Variants in STIM2 observed in about 807,000 individuals in gnomAD.
STIM2 encodes stromal interaction molecule 2.
STIM2 carries 31 observed loss-of-function variants against 85.8 expected under a neutral mutation model. The observed-to-expected ratio is 0.36, with a 90% CI of 0.27 to 0.49. The LOEUF is 0.49. Ranked by LOEUF, STIM2 falls within the 20% of genes least tolerant of loss-of-function variation. The pLI, the probability that STIM2 is intolerant of heterozygous loss-of-function variation, is 0.98. For missense variants in STIM2, 841 were observed against 927.6 expected (o/e 0.91, Z 1.21); for synonymous variants, 356 against 331.1 (o/e 1.08, Z -0.82).
At chr4:27,019,795 A>G (rs1728853929) in intron 11 of STIM2, among the ~76,000 whole-genome samples, 1 of 152,130 alleles carries the variant, frequency 6.6e-6, no homozygotes, top group African/African-American at 2.4e-5. Context: ...ATTCAACTCC[A>G]TGTCACTCTG....
chr4:26,921,377 A>G (rs1724791661), intron 2 of STIM2, among the ~76,000 whole-genome samples: 1 of 152,222 alleles, frequency 6.6e-6, no homozygotes, highest in Admixed American at 6.5e-5. Flanking sequence ...ATGGTACTTT[A>G]TTATGGCAGT....
In STIM2 at chr4:27,006,565, G is replaced by A. The variant is rs1728366223; in HGVS notation, c.982-968G>A. The stretch of plus-strand genomic sequence containing the variant: ...CATCCTGTGTCTTTATATATCTTTA[G>A]TTTGAAAGCTCTTGCTAGTTTTTAA... On this transcript the variant is annotated intron_variant, in intron 7 of 11. Transcript: ENST00000467087. 2.6e-5 allele frequency among the ~76,000 whole-genome samples: 4 copies of A among 152,274 alleles called. No homozygotes were observed. The South Asian group carries it at 8.3e-4, about 32-fold the overall frequency.
chr4:27,009,081 C>A, intron 10 of STIM2, 79 bp downstream of exon 10: 2 of 1,243,750 alleles, frequency 1.6e-6, no homozygotes, highest in Non-Finnish European at 2.3e-6. Context: ...GAATCATGTA[C>A]TTCGAAATCT....
chr4:27,022,391 A>G, intron 11 of STIM2, 128 bp from the exon 12 acceptor site: 1 of 737,052 alleles, frequency 1.4e-6, no homozygotes, highest in Admixed American at 2.9e-5. Context: ...TGAAATGTAT[A>G]TAGAATCATA....
At chr4:26,959,243 C>T (rs1037952116) in intron 3 of STIM2, among the ~76,000 whole-genome samples, 8 of 152,158 alleles carry the variant, frequency 5.3e-5, no homozygotes, top group African/African-American at 1.7e-4. Flanking sequence ...CTATTCCATG[C>T]ATCTCTCTCG....
intron 2 of STIM2, among the ~76,000 whole-genome samples, chr4:26,935,628 A>G (rs1725364772): frequency 6.6e-6 from 1 of 152,160 alleles, no homozygotes; most frequent in South Asian, 2.1e-4. Context: ...CAGCTTGGGG[A>G]TGGGACCTAG....
At chr4:26,904,500 G>T (rs182767852) in intron 1 of STIM2, among the ~76,000 whole-genome samples, 18 of 152,238 alleles carry the variant, frequency 1.2e-4, no homozygotes, top group Non-Finnish European at 2.1e-4. Context: ...AAAATGATCA[G>T]CTGTGGCAAA....
intron 1 of STIM2, among the ~76,000 whole-genome samples, chr4:26,871,867 A>G (rs1196734076): frequency 6.6e-6 from 1 of 152,142 alleles, no homozygotes; most frequent in Non-Finnish European, 1.5e-5. Context: ...GTATAGTGTG[A>G]TGAAGAGCAT....
At chr4:26,923,305 A>G (rs1724879263) in intron 2 of STIM2, among the ~76,000 whole-genome samples, 1 of 151,930 alleles carries the variant, frequency 6.6e-6, no homozygotes, top group Non-Finnish European at 1.5e-5. Flanking sequence ...TGGAAACTCT[A>G]AAACGCAGAG....
At chr4:26,890,803 G>A (rs936198849) in intron 1 of STIM2, among the ~76,000 whole-genome samples, 3 of 140,920 alleles carry the variant, frequency 2.1e-5, no homozygotes, top group East Asian at 2.0e-4. Flanking sequence ...CAGCCTGGGC[G>A]ACAGAGCGAG....
chr4:26,997,546 T>C lies in STIM2; in HGVS notation c.510-1686T>C, dbSNP rs181535283. 4.9e-3 allele frequency among the ~76,000 whole-genome samples: 741 copies of C among 152,340 alleles called. 8 individuals carry two copies. The highest frequency in any genetic ancestry group is 0.017 in the African/African-American group (710 of 41,576). On this transcript the variant is annotated intron_variant, in intron 4 of 11. Coordinates refer to ENST00000467087, the MANE Select transcript of STIM2 (RefSeq NM_020860.4). ...AATCATTTTTACCTCTGGACTCATA[T>C]TGAATCTCGCATAAAATTTTGTTAT...
At chr4:26,948,343 C>T (rs896753424) in intron 2 of STIM2, among the ~76,000 whole-genome samples, 25 of 152,178 alleles carry the variant, frequency 1.6e-4, no homozygotes, top group African/African-American at 6.0e-4. Context: ...CTACCTCCAG[C>T]CCCTCCCTGT....
At chr4:27,016,815 G>C (rs184718480) in intron 10 of STIM2, among the ~76,000 whole-genome samples, 204 of 152,308 alleles carry the variant, frequency 1.3e-3, no homozygotes, top group African/African-American at 4.8e-3. Context: ...CAGTAAGAGA[G>C]AGAATGTCCA....
At chr4:26,868,600 T>G (rs562045684) in intron 1 of STIM2, among the ~76,000 whole-genome samples, 4 of 152,186 alleles carry the variant, frequency 2.6e-5, no homozygotes, top group Non-Finnish European at 5.9e-5. Flanking sequence ...TAAAAAGGCT[T>G]TTTAAACCCT....
At chr4:26,900,993 A>G (rs1723898413) in intron 1 of STIM2, among the ~76,000 whole-genome samples, 2 of 152,090 alleles carry the variant, frequency 1.3e-5, no homozygotes, top group Admixed American at 1.3e-4. Flanking sequence ...TCAGTTGCTG[A>G]TCCTTGTCCC....
At chr4:26,891,595 ACACC>A (rs1320268859) in intron 1 of STIM2, among the ~76,000 whole-genome samples, 47 of 129,488 alleles carry the variant, frequency 3.6e-4, no homozygotes, top group Middle Eastern at 3.9e-3. Context: ...ACACACACAC[ACACC>A]CCCTTTTGGT....
At chr4:26,955,658 T>C (rs1726215480) in intron 2 of STIM2, among the ~76,000 whole-genome samples, 1 of 148,346 alleles carries the variant, frequency 6.7e-6, no homozygotes, top group Non-Finnish European at 1.5e-5. Context: ...TAAGGCACTA[T>C]TTAGAGCAGA....
chr4:26,942,762 T>C (rs937254287), intron 2 of STIM2, among the ~76,000 whole-genome samples: 1 of 152,110 alleles, frequency 6.6e-6, no homozygotes, highest in Admixed American at 6.6e-5. Flanking sequence ...TTTTTGCTGG[T>C]TTCCCCTTTA....
intron 1 of STIM2, among the ~76,000 whole-genome samples, chr4:26,867,781 C>T (rs10213141): frequency 0.016 from 2,423 of 152,330 alleles, 65 homozygotes; most frequent in African/African-American, 0.056. Context: ...TTTCTTGACA[C>T]TGTCTAATTC....
Sources: allele counts gnomAD v4.1 joint callset (sites outside exome capture counted in the v4.1 genomes callset), GRCh38; gene constraint gnomAD v4.1.1; transcripts MANE v1.5; gene names NCBI Gene and HGNC (gene_info 2026-07-23, HGNC 2026-07-21).